The following TTLL5 variants were observed in gnomAD, a reference collection of about 807,000 sequenced individuals.
The protein encoded by TTLL5 is tubulin tyrosine ligase like 5.
TTLL5 carries 132 observed loss-of-function variants against 168.4 expected under a neutral mutation model. That is an observed-to-expected ratio of 0.78 (90% CI 0.68 to 0.91). The LOEUF (loss-of-function observed/expected upper bound fraction) is 0.91. Among genes scored for constraint, TTLL5 ranks in the 40% least tolerant of loss-of-function variants. The pLI, the probability that TTLL5 is intolerant of heterozygous loss-of-function variation, is 0.00. For missense variants in TTLL5, 1,545 were observed against 1,581.5 expected, an observed-to-expected ratio of 0.98 and a Z score of 0.39; for synonymous variants, 546 against 558.6, an observed-to-expected ratio of 0.98 and a Z score of 0.32.
At chr14:75,876,940 A>T (rs1363757781) in intron 29 of TTLL5, among the ~76,000 whole-genome samples, 3 of 152,226 alleles carry the variant, frequency 2.0e-5, no homozygotes, top group African/African-American at 7.2e-5. Flanking sequence ...AGTAACTTAC[A>T]TGCTCAAGAA....
intron 21 of TTLL5, 133 bp from the exon 22 acceptor site, chr14:75,775,351 T>C (rs1891654386): frequency 9.7e-7 from 1 of 1,029,652 alleles, no homozygotes; most frequent in African/African-American, 1.6e-5. Flanking sequence ...ACCTTTTTGT[T>C]CTGGGTCTTG....
chr14:75,797,155 G>T (rs376721593), intron 27 of TTLL5, among the ~76,000 whole-genome samples: 1 of 151,716 alleles, frequency 6.6e-6, no homozygotes, highest in South Asian at 2.1e-4. Flanking sequence ...AGGTATATCC[G>T]TAAGTATTTT....
intron 31 of TTLL5, among the ~76,000 whole-genome samples, chr14:75,919,472 A>C (rs146381092): frequency 3.9e-5 from 6 of 152,316 alleles, no homozygotes; most frequent in African/African-American, 1.4e-4. Flanking sequence ...TAGCCAATTG[A>C]TTATTCAGTG....
chr14:75,795,887 A>C (rs1022069897), intron 27 of TTLL5, among the ~76,000 whole-genome samples: 6 of 152,178 alleles, frequency 3.9e-5, no homozygotes, highest in African/African-American at 1.2e-4. Context: ...TGTTGCTATA[A>C]ATATGCATGT....
chr14:75,663,623 A>G (rs1890891790), intron 2 of TTLL5, among the ~76,000 whole-genome samples: 1 of 152,248 alleles, frequency 6.6e-6, no homozygotes, highest in African/African-American at 2.4e-5. Context: ...AAAAGCCTTT[A>G]CAATGATAAA....
At chr14:75,933,272 G>A (rs1390098692) in intron 31 of TTLL5, among the ~76,000 whole-genome samples, 1 of 152,128 alleles carries the variant, frequency 6.6e-6, no homozygotes, top group Admixed American at 6.5e-5. Flanking sequence ...GCCTGGACAA[G>A]AGTGAGACCT....
chr14:75,734,438 T>C (rs1469333838), intron 14 of TTLL5, among the ~76,000 whole-genome samples: 1 of 152,232 alleles, frequency 6.6e-6, no homozygotes, highest in African/African-American at 2.4e-5. Context: ...GTAGTAGTTA[T>C]AACCAAAGCA....
rs561545811 is a variant in TTLL5, at chr14:75,834,555, A to T, written c.3326+14394A>T. Among the ~76,000 whole-genome samples the T allele has an allele frequency of 3.3e-5, 5 of 152,044 alleles. No homozygotes were observed. In the South Asian group the frequency reaches 1.0e-3, roughly 32 times the overall value. On this transcript the variant is annotated intron_variant, in intron 28 of 31. Coordinates refer to ENST00000298832, the MANE Select transcript of TTLL5 (RefSeq NM_015072.5). ...TGGATCTAGCCCAGTTCTACCCCTT[A>T]CTCTGTATATTTTTTACTCCCTGCC...
chr14:75,853,416 C>T (rs1197353949), intron 28 of TTLL5, among the ~76,000 whole-genome samples: 2 of 152,188 alleles, frequency 1.3e-5, no homozygotes, highest in African/African-American at 2.4e-5. Context: ...CCTGTGGACT[C>T]GCCTGACAAG....
At chr14:75,685,375 C>CA (rs34567697) in intron 5 of TTLL5, among the ~76,000 whole-genome samples, 1,172 of 68,194 alleles carry the variant, frequency 0.017, 18 homozygotes, top group African/African-American at 0.04. Flanking sequence ...GACTCTGTCT[C>CA]AAAAAAAAAA....
intron 31 of TTLL5, among the ~76,000 whole-genome samples, chr14:75,928,342 CATATATATATATATATATAT>C (rs3034073): frequency 4.9e-5 from 4 of 81,970 alleles, no homozygotes; most frequent in Non-Finnish European, 9.5e-5. Flanking sequence ...ATGACAAAAA[CATATATATATATATATATAT>C]ATATATCACT....
intron 28 of TTLL5, among the ~76,000 whole-genome samples, chr14:75,861,455 C>T (rs541710652): frequency 6.6e-6 from 1 of 152,228 alleles, no homozygotes; most frequent in Admixed American, 6.5e-5. Context: ...GTCATCAGGA[C>T]CCAGGCTATA....
At chr14:75,793,138 C>A (rs371599747) in intron 27 of TTLL5, 38 bp downstream of exon 27, 2 of 1,498,284 alleles carry the variant, frequency 1.3e-6, no homozygotes, top group African/African-American at 2.8e-5. Context: ...CTCTTTGGAC[C>A]TGAGGATAGA....
intron 1 of TTLL5, chr14:75,661,716 C>T (rs1890740753): frequency 6.6e-6 from 1 of 152,282 alleles, no homozygotes; most frequent in Admixed American, 6.5e-5. Context: ...GGCATCCCTT[C>T]CCGTTTGGAG....
chr14:75,830,251 G>A (rs555297199), intron 28 of TTLL5, among the ~76,000 whole-genome samples: 5 of 152,262 alleles, frequency 3.3e-5, no homozygotes, highest in African/African-American at 4.8e-5. Context: ...AACAAAAATT[G>A]TGGCCTGATT....
chr14:75,782,071 G>A (rs532263520), intron 24 of TTLL5, among the ~76,000 whole-genome samples: 28 of 151,480 alleles, frequency 1.8e-4, no homozygotes, highest in Admixed American at 1.2e-3. Flanking sequence ...GGGTAGCTTC[G>A]CTGCTCCATA....
At chr14:75,808,123 C>T (rs1893764160) in intron 27 of TTLL5, among the ~76,000 whole-genome samples, 1 of 152,162 alleles carries the variant, frequency 6.6e-6, no homozygotes, top group Non-Finnish European at 1.5e-5. Flanking sequence ...ATTGGAAACC[C>T]TACGAAGAGA....
intron 31 of TTLL5, among the ~76,000 whole-genome samples, chr14:75,937,808 CT>C (rs539347439): frequency 5.6e-4 from 85 of 152,294 alleles, no homozygotes; most frequent in Non-Finnish European, 5.0e-4. Context: ...AATAATGCTG[CT>C]GTGAACATGG....
rs187255760 is a variant in TTLL5, at chr14:75,687,438, T to G, written c.372-2754T>G. Among the ~76,000 whole-genome samples, 923 of 151,834 alleles carry G rather than the reference T, an allele frequency of 6.1e-3. 8 individuals are homozygous for G. The highest frequency in any genetic ancestry group is 0.021 in the African/African-American group (876 of 41,416). ...ACAGGCATGCACTACGGCTGGCTGATTTTTTTTGTAGTTTTAGTAGAGACG... is the reference window on the plus strand; with the variant it reads ...ACAGGCATGCACTACGGCTGGCTGAGTTTTTTTGTAGTTTTAGTAGAGACG... On this transcript the variant is annotated intron_variant, in intron 5 of 31. Transcript: ENST00000298832.
Sources: allele counts gnomAD v4.1 joint callset (sites outside exome capture counted in the v4.1 genomes callset), GRCh38; gene constraint gnomAD v4.1.1; transcripts MANE v1.5; gene names NCBI Gene and HGNC (gene_info 2026-07-23, HGNC 2026-07-21).